NPC1: variants seen among roughly 807,000 people sequenced by gnomAD.
NPC1 encodes NPC intracellular cholesterol transporter 1, also known as Niemann-Pick C1 protein.
A neutral mutation model predicts 140.4 loss-of-function variants in NPC1; 85 were observed. The observed-to-expected ratio is 0.61, with a 90% CI of 0.51 to 0.72. The LOEUF is 0.72. NPC1 is among the 30% of genes least tolerant of loss of function. The pLI is 0.00. For synonymous variants in NPC1, 656 were observed against 624.8 expected (o/e 1.05, Z -0.74); for missense variants, 1,504 against 1,623.8 (o/e 0.93, Z 1.27).
chr18:23,533,979 T>A lies in NPC1; in HGVS notation c.3592-462A>T, dbSNP rs1598933718. 9.5e-6 allele frequency: 3 copies of A among 316,624 alleles called. 1 individual carries two copies. Among genetic ancestry groups the A allele is most frequent in the Admixed American group, 9.4e-5 (2 of 21,254 alleles). 19.6% of individuals were successfully genotyped at this position (316,624 alleles called of 1,614,324 possible). A position where few individuals can be genotyped will look rare whatever the true frequency, so the allele number is the denominator to read the frequency against. On this transcript the variant is annotated intron_variant, in intron 23 of 24. Transcript: ENST00000269228. ...CATCGTGTCTCCCAATTGATTATCT[T>A]TCTTTATATTCTCAGGTGAAAACTT...
chr18:23,553,578 T>G (rs2058905818), intron 9 of NPC1, among the ~76,000 whole-genome samples: 1 of 152,192 alleles, frequency 6.6e-6, no homozygotes, highest in Admixed American at 6.5e-5. Context: ...CTGAGCAGTG[T>G]CCTTAAAGGC....
At chr18:23,558,913 C>CT (rs1265797549) in intron 6 of NPC1, among the ~76,000 whole-genome samples, 1 of 152,114 alleles carries the variant, frequency 6.6e-6, no homozygotes, top group Admixed American at 6.5e-5. Context: ...TGACGTTCCC[C>CT]TTCCTGTGTC....
intron 8 of NPC1, among the ~76,000 whole-genome samples, chr18:23,555,234 C>CA (rs1294210750): frequency 6.6e-6 from 1 of 152,256 alleles, no homozygotes; most frequent in Non-Finnish European, 1.5e-5. Flanking sequence ...ATGACCAGAA[C>CA]AGCTATCAAC....
intron 4 of NPC1, among the ~76,000 whole-genome samples, chr18:23,563,987 G>GTTTGTT (rs1555639699): frequency 1.9e-5 from 2 of 102,600 alleles, no homozygotes; most frequent in African/African-American, 8.1e-5. Context: ...AGTAGTAAGA[G>GTTTGTT]TTTTTTTTTT....
rs372196014 is a variant in NPC1, at chr18:23,533,553, A to G, written c.3592-36T>C. On this transcript the variant is annotated intron_variant, in intron 23 of 24. Transcript: ENST00000269228. ...AGATACTGTGTTAGAAACCACTTTT[A>G]CCAACCTGTAATTGAACAAAAACAC... 3.0e-4 allele frequency: 472 copies of G among 1,598,984 alleles called. 1 individual carries two copies. Among genetic ancestry groups the G allele is most frequent in the Non-Finnish European group, 3.7e-4 (436 of 1,166,628 alleles).
At chr18:23,553,541 A>C (rs545323240) in intron 9 of NPC1, among the ~76,000 whole-genome samples, 2 of 152,336 alleles carry the variant, frequency 1.3e-5, no homozygotes, top group East Asian at 1.9e-4. Flanking sequence ...CAGAAGTGAG[A>C]GTCCTTAGCT....
downstream of NPC1, among the ~76,000 whole-genome samples, chr18:23,530,789 A>G (rs1484233847): frequency 6.6e-6 from 1 of 152,156 alleles, no homozygotes; most frequent in Non-Finnish European, 1.5e-5. Context: ...ATACTGACAG[A>G]ATCTGAATTA....
downstream of NPC1, chr18:23,520,206 C>T (rs1229210958): frequency 3.1e-6 from 5 of 1,613,192 alleles, no homozygotes; most frequent in African/African-American, 1.3e-5. Flanking sequence ...CCCCAGACAT[C>T]GGTAATATTC....
intron 10 of NPC1, among the ~76,000 whole-genome samples, chr18:23,548,617 TAA>T (rs1466777529): frequency 1.3e-5 from 2 of 152,174 alleles, no homozygotes; most frequent in African/African-American, 2.4e-5. Flanking sequence ...GACTGCTCCA[TAA>T]AGAGTTTCCT....
Position 23,560,252 on chromosome 18 carries a change from A to G in NPC1, c.860T>C (p.Phe287Ser), listed in dbSNP as rs2059018508. Residue 287 changes from phenylalanine to serine, a missense_variant, in exon 6 of 25, where the codon TTT becomes TCT. Phe to Ser is a radical substitution (Grantham distance 155, BLOSUM62 -2). Transcript: ENST00000269228. ...TTACCTGTAGCACCACACTGCAAAA[A>G]ATGCTCCAAAAAACACAAGCAAAAA... ...MAFLLVFFGA[F>S]FAVWCYRKRY... 1.2e-6 allele frequency: 2 copies of G among 1,614,146 alleles called. No homozygotes were observed. Among genetic ancestry groups the G allele is most frequent in the South Asian group, 2.2e-5 (2 of 91,086 alleles).
intron 24 of NPC1, among the ~76,000 whole-genome samples, chr18:23,532,621 G>A (rs1056551066): frequency 2.6e-5 from 4 of 151,732 alleles, no homozygotes; most frequent in Non-Finnish European, 5.9e-5. Context: ...TTTTTGTAGA[G>A]ATGGAGGCCT....
intron 1 of NPC1, among the ~76,000 whole-genome samples, chr18:23,577,606 T>C (rs1482883692): frequency 6.6e-6 from 1 of 152,242 alleles, no homozygotes; most frequent in Admixed American, 6.5e-5. Context: ...TGGAGCTGCC[T>C]GCCAGTCCTG....
At chr18:23,519,187 T>G, downstream of NPC1, 1 of 1,607,756 alleles carries the variant, frequency 6.2e-7, no homozygotes, top group Non-Finnish European at 8.5e-7. Context: ...ACAAGCTGTC[T>G]GCGTTTCTAC....
chr18:23,576,275 G>A (rs2059277397), intron 1 of NPC1, among the ~76,000 whole-genome samples: 1 of 151,938 alleles, frequency 6.6e-6, no homozygotes, highest in African/African-American at 2.4e-5. Context: ...CCAAAAATTA[G>A]CCGAGCCTAG....
In NPC1 at chr18:23,531,735, T is replaced by G. The variant is rs746544155; in HGVS notation, c.*467A>C. 4 of 1,593,066 alleles carry G rather than the reference T, an allele frequency of 2.5e-6. No homozygotes were observed. The highest frequency in any genetic ancestry group is 3.4e-6 in the Non-Finnish European group (4 of 1,173,966). On this transcript the variant is annotated 3_prime_UTR_variant, in exon 25 of 25. Coordinates refer to ENST00000269228, the MANE Select transcript of NPC1 (RefSeq NM_000271.5). The stretch of plus-strand genomic sequence containing the variant: ...CTTGCTGTTTTTTTATATAAAAATG[T>G]GTACAAAGTTAATTTATTGCATTAA...
intron 1 of NPC1, among the ~76,000 whole-genome samples, chr18:23,575,086 T>C (rs2059255182): frequency 6.6e-6 from 1 of 152,204 alleles, no homozygotes; most frequent in South Asian, 2.1e-4. Context: ...CTCCAGGGAT[T>C]GGCCTGTCTC....
chr18:23,543,639 T>C, intron 13 of NPC1, 70 bp from the exon 14 acceptor site: 1 of 891,934 alleles, frequency 1.1e-6, no homozygotes, highest in South Asian at 1.4e-5. Context: ...CTTGCTGCCT[T>C]GTGTTAACTC....
At chr18:23,581,468 A>T (rs2059354740) in intron 1 of NPC1, among the ~76,000 whole-genome samples, 1 of 152,114 alleles carries the variant, frequency 6.6e-6, no homozygotes, top group African/African-American at 2.4e-5. Flanking sequence ...TCTACTAGCT[A>T]TGTGACCTTG....
intron 6 of NPC1, among the ~76,000 whole-genome samples, chr18:23,557,824 T>A (rs2058977212): frequency 6.6e-6 from 1 of 152,184 alleles, no homozygotes; most frequent in Admixed American, 6.5e-5. Context: ...CGTTTCTACA[T>A]ACCATTCTCC....
Sources: gnomAD v4.1 joint callset for allele counts (sites outside exome capture counted in the v4.1 genomes callset) on GRCh38, gnomAD v4.1.1 for gene constraint, MANE v1.5 for transcripts, NCBI Gene and HGNC (gene_info 2026-07-23, HGNC 2026-07-21) for gene names.